The following APBA2 variants were observed in gnomAD, a reference collection of about 807,000 sequenced individuals.
APBA2 encodes amyloid-beta A4 precursor protein-binding family A member 2.
Under a neutral mutation model 75.0 loss-of-function variants are expected in APBA2, and 30 were observed. The ratio of observed to expected loss-of-function variants is 0.40; its 90% confidence interval spans 0.30 to 0.54. The LOEUF (loss-of-function observed/expected upper bound fraction) is 0.54. Among genes scored for constraint, APBA2 ranks in the 20% least tolerant of loss-of-function variants. APBA2 has a pLI of 0.49. For synonymous variants in APBA2, 444 were observed against 409.6 expected (o/e 1.08, Z -1.01); for missense variants, 801 against 1,016.1 (o/e 0.79, Z 2.88).
rs2033824921 is a variant in APBA2, at chr15:28,918,959, A to G, written c.-204-2681A>G. ...ACTGCAAGCTCCGCCTCCAGGGTTC[A>G]CGCCATTCTCCTGCCTCAGCCTCCG... On this transcript the variant is annotated intron_variant, in intron 1 of 14. Coordinates refer to ENST00000683413, the MANE Select transcript of APBA2 (RefSeq NM_001353788.2). This position sits in a 1 kb window ranked among gnomAD's most constrained non-coding sequence, Gnocchi z 4.2. 6.6e-6 allele frequency among the ~76,000 whole-genome samples: 1 copy of G among 151,584 alleles called. No individual in the cohort carries two copies. Among genetic ancestry groups the G allele is most frequent in the Non-Finnish European group, 1.5e-5 (1 of 67,972 alleles).
At chr15:29,019,500 AGTGT>A (rs1012580591) in intron 3 of APBA2, among the ~76,000 whole-genome samples, 2 of 152,204 alleles carry the variant, frequency 1.3e-5, no homozygotes, top group Non-Finnish European at 2.9e-5. Context: ...CTCTGTGGTT[AGTGT>A]GTTTTCCTTC....
At chr15:28,924,868 TC>T (rs1185423546) in intron 2 of APBA2, among the ~76,000 whole-genome samples, 1 of 152,198 alleles carries the variant, frequency 6.6e-6, no homozygotes, top group Admixed American at 6.5e-5. Context: ...CGTTTTACAT[TC>T]CCGCCAGCAC....
chr15:28,891,989 C>A (rs2032160185), intron 1 of APBA2, among the ~76,000 whole-genome samples: 1 of 152,164 alleles, frequency 6.6e-6, no homozygotes, highest in African/African-American at 2.4e-5. Flanking sequence ...CGCTAGTGTA[C>A]AGATGGACTC....
intron 3 of APBA2, among the ~76,000 whole-genome samples, chr15:29,014,758 G>C (rs2039573891): frequency 6.7e-6 from 1 of 149,006 alleles, no homozygotes; most frequent in Non-Finnish European, 1.5e-5. Flanking sequence ...ATCCAGGCTG[G>C]AGTGCAGTGG....
chr15:29,082,509 C>G (rs2043127259), intron 6 of APBA2, among the ~76,000 whole-genome samples: 1 of 152,186 alleles, frequency 6.6e-6, no homozygotes, highest in South Asian at 2.1e-4. Flanking sequence ...TTTCCCCCAC[C>G]CCTCAGCCCC....
intron 8 of APBA2, among the ~76,000 whole-genome samples, chr15:29,096,060 G>A (rs2152955533): frequency 6.6e-6 from 1 of 151,942 alleles, no homozygotes; most frequent in East Asian, 1.9e-4. Context: ...CAGTCAGGTG[G>A]CCGCCTGATT....
intron 3 of APBA2, among the ~76,000 whole-genome samples, chr15:29,020,856 A>G (rs1374209213): frequency 6.6e-6 from 1 of 152,118 alleles, no homozygotes; most frequent in Non-Finnish European, 1.5e-5. Flanking sequence ...ACCCCCAAAC[A>G]AACAAAAAAC....
chr15:29,094,757 T>C (rs1053165273), intron 8 of APBA2, among the ~76,000 whole-genome samples: 1 of 152,242 alleles, frequency 6.6e-6, no homozygotes, highest in South Asian at 2.1e-4. Flanking sequence ...TGGTGCTTTC[T>C]TTATTGGAAA....
intron 1 of APBA2, among the ~76,000 whole-genome samples, chr15:28,915,041 G>GTATA (rs2033603214): frequency 3.7e-5 from 2 of 54,718 alleles, no homozygotes; most frequent in African/African-American, 7.4e-5. Context: ...CACATACCAT[G>GTATA]CCTACCTCAC....
chr15:28,946,135 G>C (rs1466473604), intron 2 of APBA2, among the ~76,000 whole-genome samples: 1 of 152,198 alleles, frequency 6.6e-6, no homozygotes, highest in East Asian at 1.9e-4. Flanking sequence ...AATTTAAAGA[G>C]CGTTTGTCAT....
intron 3 of APBA2, among the ~76,000 whole-genome samples, chr15:29,042,807 G>T (rs1427617627): frequency 1.3e-5 from 2 of 152,114 alleles, no homozygotes; most frequent in Non-Finnish European, 2.9e-5. Flanking sequence ...TGTCTCTGAG[G>T]ATGGATCTGG....
chr15:28,891,945 A>G (rs1224961039), intron 1 of APBA2, among the ~76,000 whole-genome samples: 1 of 152,218 alleles, frequency 6.6e-6, no homozygotes, highest in Non-Finnish European at 1.5e-5. Flanking sequence ...AAAAAATTTA[A>G]TGTAGCCTAA....
intron 1 of APBA2, among the ~76,000 whole-genome samples, chr15:28,921,049 T>C (rs1055384115): frequency 6.6e-6 from 1 of 152,146 alleles, no homozygotes; most frequent in Non-Finnish European, 1.5e-5. Context: ...CACCAGCACG[T>C]GGGCACCATC....
chr15:29,034,825 C>G (rs2040664451), intron 3 of APBA2, among the ~76,000 whole-genome samples: 1 of 152,200 alleles, frequency 6.6e-6, no homozygotes, highest in Non-Finnish European at 1.5e-5. Flanking sequence ...CCAAGAGTTT[C>G]TGTGTTTGTG....
At chr15:29,116,914 G>A in intron 14 of APBA2, 148 bp from the exon 15 acceptor site, 1 of 847,330 alleles carries the variant, frequency 1.2e-6, no homozygotes, top group Non-Finnish European at 2.1e-6. Flanking sequence ...GTGTCCCCAG[G>A]CCTGGGCAGG....
chr15:29,089,986 G>C (rs1313127658), intron 6 of APBA2, among the ~76,000 whole-genome samples: 1 of 152,126 alleles, frequency 6.6e-6, no homozygotes. Context: ...GTTAGATTTG[G>C]GTTCTGCGTT....
At chr15:29,028,041 G>C (rs1427876436) in intron 3 of APBA2, among the ~76,000 whole-genome samples, 1 of 151,650 alleles carries the variant, frequency 6.6e-6, no homozygotes, top group Non-Finnish European at 1.5e-5. Flanking sequence ...ATGTGCAGCA[G>C]GTTTGTTAGG....
intron 2 of APBA2, among the ~76,000 whole-genome samples, chr15:28,966,572 G>A (rs765371494): frequency 4.7e-4 from 72 of 152,006 alleles, no homozygotes; most frequent in Non-Finnish European, 6.9e-4. Context: ...TACCCATGTT[G>A]TTATGTTTGA....
At position 29,060,716 on chromosome 15, in the gene APBA2, ACAAGT is replaced by A. The variant is rs372086717; in HGVS notation, c.951+5887_951+5891del. 3.9e-4 allele frequency among the ~76,000 whole-genome samples: 59 copies of A among 152,304 alleles called. No homozygotes were observed. The East Asian group carries it at 8.3e-3, about 21-fold the overall frequency. On this transcript the variant is annotated intron_variant, in intron 4 of 14. Coordinates refer to ENST00000683413, the MANE Select transcript of APBA2 (RefSeq NM_001353788.2). ...CACCAGGGCTCAGGCCACAGATCAA[ACAAGT>A]CAAGTAAAGATTGTTCATGTGGCAT...
Sources: allele counts gnomAD v4.1 joint callset (sites outside exome capture counted in the v4.1 genomes callset), GRCh38; gene constraint gnomAD v4.1.1; non-coding constraint Gnocchi (gnomAD v3.1); transcripts MANE v1.5; gene names NCBI Gene and HGNC (gene_info 2026-07-23, HGNC 2026-07-21).